The following MTMR2 variants were observed in gnomAD, a reference collection of about 807,000 sequenced individuals.
MTMR2 encodes the protein myotubularin related protein 2, also known as phosphatidylinositol-3,5-bisphosphate 3-phosphatase MTMR2.
A neutral mutation model predicts 86.9 loss-of-function variants in MTMR2; 55 were observed. The ratio of observed to expected loss-of-function variants is 0.63; its 90% confidence interval spans 0.51 to 0.79. MTMR2 has a LOEUF of 0.79. Among genes scored for constraint, MTMR2 ranks in the 30% least tolerant of loss-of-function variants. MTMR2 has a pLI of 0.00. For synonymous variants in MTMR2, 241 were observed against 266.8 expected (o/e 0.90, Z 0.94); for missense variants, 659 against 772.3 (o/e 0.85, Z 1.74).
At chr11:95,896,304 T>G (rs751654921) in intron 1 of MTMR2, among the ~76,000 whole-genome samples, 23 of 151,126 alleles carry the variant, frequency 1.5e-4, no homozygotes, top group Non-Finnish European at 2.8e-4. Context: ...TGATTAATGA[T>G]TTTTTTTTGT....
intron 2 of MTMR2, among the ~76,000 whole-genome samples, chr11:95,877,332 C>CTTTTTTTT (rs764782930): frequency 3.8e-5 from 4 of 106,308 alleles, no homozygotes; most frequent in Non-Finnish European, 7.5e-5. Flanking sequence ...CAGGGAAGCC[C>CTTTTTTTT]TTTTTTTTTT....
chr11:95,873,667 A>T (rs1864983288), intron 2 of MTMR2, among the ~76,000 whole-genome samples: 1 of 151,398 alleles, frequency 6.6e-6, no homozygotes, highest in Non-Finnish European at 1.5e-5. Flanking sequence ...TTGCTTCTCT[A>T]GTTCTTTTAA....
At chr11:95,889,991 C>G (rs1300654415) in intron 1 of MTMR2, among the ~76,000 whole-genome samples, 2 of 152,022 alleles carry the variant, frequency 1.3e-5, no homozygotes, top group Admixed American at 6.6e-5. Flanking sequence ...TATTAAGAAC[C>G]ATTTAGCTTT....
intron 5 of MTMR2, among the ~76,000 whole-genome samples, chr11:95,861,266 C>G: frequency 6.6e-6 from 1 of 151,140 alleles, no homozygotes; most frequent in East Asian, 1.9e-4. Flanking sequence ...CTGCTCAGAG[C>G]CTTATGTTGC....
Position 95,858,220 on chromosome 11 carries a change from A to G in MTMR2, c.570+311T>C, listed in dbSNP as rs547629357. Among the ~76,000 whole-genome samples the G allele has an allele frequency of 2.6e-5, 4 of 152,296 alleles. No individual in the cohort carries two copies. In the East Asian group the frequency reaches 5.8e-4, roughly 22 times the overall value. ...AATTGCTAGTGTTAACTGGCTCCCA[A>G]TTAAAAAGGAGATTACAAATCCTAA... On this transcript the variant is annotated intron_variant, in intron 6 of 14. Transcript: ENST00000346299.
At chr11:95,919,679 A>T (rs1342715567) in intron 1 of MTMR2, among the ~76,000 whole-genome samples, 1 of 152,188 alleles carries the variant, frequency 6.6e-6, no homozygotes, top group African/African-American at 2.4e-5. Context: ...TCAGCTCAAG[A>T]TGTCCAGTCT....
At position 95,902,536 on chromosome 11, in the gene MTMR2, A is replaced by T. The variant is rs117679291; in HGVS notation, c.81-14275T>A. Reference sequence around the variant, plus strand: ...TTATACTTTTACCTCTATTTTCAACAGTTCTCACAAGTAGTCAGAACTACC... The same window carrying T: ...TTATACTTTTACCTCTATTTTCAACTGTTCTCACAAGTAGTCAGAACTACC... On this transcript the variant is annotated intron_variant, in intron 1 of 14. Transcript: ENST00000346299. 8.5e-5 allele frequency among the ~76,000 whole-genome samples: 13 copies of T among 152,284 alleles called. No individual in the cohort carries two copies. The East Asian group carries it at 2.1e-3, about 25-fold the overall frequency.
At chr11:95,868,273 T>TAAAAAAAAAAAAA (rs555618890) in intron 2 of MTMR2, among the ~76,000 whole-genome samples, 1 of 42,220 alleles carries the variant, frequency 2.4e-5, no homozygotes, top group African/African-American at 9.5e-5. Flanking sequence ...GACCCTGTGC[T>TAAAAAAAAAAAAA]AAAAAAAAAA....
intron 11 of MTMR2, among the ~76,000 whole-genome samples, chr11:95,842,679 A>G (rs977129955): frequency 7.2e-5 from 11 of 152,204 alleles, no homozygotes; most frequent in Admixed American, 3.9e-4. Context: ...ATATTAAGAC[A>G]TTATTTACCT....
chr11:95,903,218 A>C (rs939333115), intron 1 of MTMR2, among the ~76,000 whole-genome samples: 3 of 152,108 alleles, frequency 2.0e-5, no homozygotes, highest in Admixed American at 1.3e-4. Flanking sequence ...TCTGACCATC[A>C]GCTCTTTTTC....
chr11:95,851,605 G>A (rs1324098099), intron 7 of MTMR2, among the ~76,000 whole-genome samples: 3 of 151,890 alleles, frequency 2.0e-5, no homozygotes, highest in Admixed American at 2.0e-4. Context: ...CAGGTGATCC[G>A]CCTGCCTCAG....
chr11:95,841,822 G>A, intron 11 of MTMR2, 113 bp from the exon 12 acceptor site: 1 of 842,474 alleles, frequency 1.2e-6, no homozygotes, highest in Non-Finnish European at 2.0e-6. Context: ...AAAGTCGGGT[G>A]CTGTGGTTTA....
chr11:95,858,325 T>C (rs533391955), intron 6 of MTMR2, among the ~76,000 whole-genome samples: 1 of 152,304 alleles, frequency 6.6e-6, no homozygotes, highest in Admixed American at 6.5e-5. Context: ...AGTGCTGGAA[T>C]GGACCTCAGA....
At position 95,850,603 on chromosome 11, in the gene MTMR2, G is replaced by A; in HGVS notation, c.801C>T (p.Ile267=). Reference sequence around the variant, plus strand: ...CTCATCCAAACTTCCTACTTACTGGGATACGGCCTCTTGATCTGAAGGATG... The same window carrying A: ...CTCATCCAAACTTCCTACTTACTGGAATACGGCCTCTTGATCTGAAGGATG... ...RVASFRSRGR[I]PVLSWIHPES... Residue 267 remains isoleucine, a synonymous_variant, in exon 8 of 15, where the codon ATC becomes ATT. Coordinates refer to ENST00000346299, the MANE Select transcript of MTMR2 (RefSeq NM_016156.6). The A allele has an allele frequency of 6.2e-7, 1 of 1,613,988 alleles. No individual in the cohort carries two copies. The highest frequency in any genetic ancestry group is 1.3e-5 in the African/African-American group (1 of 75,020).
chr11:95,923,470 T>G (rs1867008228), intron 1 of MTMR2, among the ~76,000 whole-genome samples: 1 of 145,848 alleles, frequency 6.9e-6, no homozygotes. Context: ...TAAGAAGGGG[T>G]GGAGGAGGAA....
intron 1 of MTMR2, among the ~76,000 whole-genome samples, chr11:95,912,534 G>A (rs1265749312): frequency 1.3e-5 from 2 of 151,554 alleles, no homozygotes; most frequent in Non-Finnish European, 2.9e-5. Context: ...AGTAATTTGA[G>A]AATTACAGAG....
chr11:95,879,400 C>T (rs1345157434), intron 2 of MTMR2, among the ~76,000 whole-genome samples: 1 of 152,152 alleles, frequency 6.6e-6, no homozygotes, highest in East Asian at 1.9e-4. Flanking sequence ...CCTCTCTTCC[C>T]ATAATCTGCA....
At chr11:95,922,497 AAT>A (rs1356062242) in intron 1 of MTMR2, among the ~76,000 whole-genome samples, 1 of 152,180 alleles carries the variant, frequency 6.6e-6, no homozygotes, top group Non-Finnish European at 1.5e-5. Context: ...TCAAACGTGC[AAT>A]ATATATAATC....
Position 95,858,648 on chromosome 11 carries a change from G to A in MTMR2, c.469-16C>T, listed in dbSNP as rs1864299086. The A allele has an allele frequency of 6.7e-7, 1 of 1,487,234 alleles. No homozygotes were observed. Among genetic ancestry groups the A allele is most frequent in the Admixed American group, 1.7e-5 (1 of 59,668 alleles). The allele number at this position is 1,487,234 out of a possible 1,614,324, so 92.1% of individuals were successfully genotyped here. A position where few individuals can be genotyped will look rare whatever the true frequency, so the allele number is the denominator to read the frequency against. Reference sequence around the variant, plus strand: ...TCCTAATATCCTAGAAAAGATTTAGGAACCAAGTTAATAATTGTTCACTAC... The same window carrying A: ...TCCTAATATCCTAGAAAAGATTTAGAAACCAAGTTAATAATTGTTCACTAC... On this transcript the variant is annotated splice_polypyrimidine_tract_variant and intron_variant, in intron 5 of 14. Transcript: ENST00000346299.
Sources: allele counts gnomAD v4.1 joint callset (sites outside exome capture counted in the v4.1 genomes callset), GRCh38; gene constraint gnomAD v4.1.1; transcripts MANE v1.5; gene names NCBI Gene and HGNC (gene_info 2026-07-23, HGNC 2026-07-21).